The following ZNF804B variants were observed in gnomAD, a reference collection of about 807,000 sequenced individuals.
ZNF804B encodes the protein zinc finger protein 804B.
In ZNF804B, 80 loss-of-function variants were observed where a neutral mutation model predicts 101.4. The observed-to-expected ratio is 0.79, with a 90% CI of 0.66 to 0.95. The LOEUF is 0.95. Among genes scored for constraint, ZNF804B ranks in the 40% least tolerant of loss-of-function variants. The pLI, the probability that ZNF804B is intolerant of heterozygous loss-of-function variation, is 0.00. For synonymous variants in ZNF804B, 622 were observed against 558.8 expected (o/e 1.11, Z -1.59); for missense variants, 1,673 against 1,561.9 (o/e 1.07, Z -1.20).
chr7:89,017,293 T>C (rs1016749800), intron 1 of ZNF804B, among the ~76,000 whole-genome samples: 4 of 152,206 alleles, frequency 2.6e-5, no homozygotes, highest in South Asian at 4.1e-4. Context: ...CAGGGACAAT[T>C]TGACTTCCTC....
intron 1 of ZNF804B, among the ~76,000 whole-genome samples, chr7:88,808,562 C>T (rs928757097): frequency 3.3e-5 from 5 of 151,978 alleles, no homozygotes; most frequent in African/African-American, 1.2e-4. Context: ...GGGATTTAAC[C>T]ATCTTCTAAC....
rs1050352658 is a variant in ZNF804B at position 88,850,481 on chromosome 7, C to T, written c.108+90397C>T. On this transcript the variant is annotated intron_variant, in intron 1 of 3. Coordinates refer to ENST00000333190, the MANE Select transcript of ZNF804B (RefSeq NM_181646.5). ...AATCATCTGAGACTCGTGGAAAAAACACCCAAAAGGATTAGCGGAAACATC... is the reference window on the plus strand; with the variant it reads ...AATCATCTGAGACTCGTGGAAAAAATACCCAAAAGGATTAGCGGAAACATC... Among the ~76,000 whole-genome samples the T allele has an allele frequency of 1.3e-5, 2 of 152,106 alleles. 1 individual carries two copies. Among genetic ancestry groups the T allele is most frequent in the South Asian group, 4.1e-4 (2 of 4,828 alleles).
chr7:89,086,764 T>C (rs1193375361), intron 1 of ZNF804B, among the ~76,000 whole-genome samples: 1 of 151,956 alleles, frequency 6.6e-6, no homozygotes, highest in Non-Finnish European at 1.5e-5. Flanking sequence ...AAGTGAGATC[T>C]AGTGCATGGT....
At chr7:89,229,078 C>T (rs1354996047) in intron 2 of ZNF804B, among the ~76,000 whole-genome samples, 1 of 152,208 alleles carries the variant, frequency 6.6e-6, no homozygotes, top group South Asian at 2.1e-4. Context: ...GCAAGCACCA[C>T]GCACAGACCC....
intron 1 of ZNF804B, among the ~76,000 whole-genome samples, chr7:88,770,745 CTT>C (rs1486804475): frequency 6.6e-6 from 1 of 152,118 alleles, no homozygotes; most frequent in Non-Finnish European, 1.5e-5. Context: ...TTCAGTATGC[CTT>C]TTTGAAGCAA....
intron 1 of ZNF804B, among the ~76,000 whole-genome samples, chr7:89,019,179 G>A (rs1323752113): frequency 6.6e-6 from 1 of 151,842 alleles, no homozygotes; most frequent in Non-Finnish European, 1.5e-5. Context: ...GGTGTGCTGT[G>A]TTTTTATTTT....
chr7:88,786,706 A>G (rs1416154869), intron 1 of ZNF804B, among the ~76,000 whole-genome samples: 2 of 152,132 alleles, frequency 1.3e-5, no homozygotes, highest in Non-Finnish European at 2.9e-5. Context: ...ATATCCAACC[A>G]GGAAGGAGCA....
chr7:88,802,838 G>A (rs956487563), intron 1 of ZNF804B, among the ~76,000 whole-genome samples: 7 of 151,906 alleles, frequency 4.6e-5, no homozygotes, highest in African/African-American at 1.7e-4. Flanking sequence ...GAGCAAACAA[G>A]ATAACCGTCT....
At chr7:89,072,572 TC>T (rs1386449233) in intron 1 of ZNF804B, among the ~76,000 whole-genome samples, 1 of 152,114 alleles carries the variant, frequency 6.6e-6, no homozygotes, top group Non-Finnish European at 1.5e-5. Flanking sequence ...TCATGTACTC[TC>T]TTTTGGAGTA....
chr7:89,063,086 A>G (rs78661295), intron 1 of ZNF804B, among the ~76,000 whole-genome samples: 2,149 of 152,252 alleles, frequency 0.014, 44 homozygotes, highest in African/African-American at 0.048. Context: ...ACTTAGTACA[A>G]TGTTAGACAT....
intron 1 of ZNF804B, among the ~76,000 whole-genome samples, chr7:89,020,989 A>G (rs1318146191): frequency 6.6e-6 from 1 of 152,136 alleles, no homozygotes; most frequent in Non-Finnish European, 1.5e-5. Flanking sequence ...GTTACTAGAA[A>G]ATTACTGTGT....
chr7:89,115,964 G>A (rs1417235375), intron 1 of ZNF804B, among the ~76,000 whole-genome samples: 1 of 151,074 alleles, frequency 6.6e-6, no homozygotes, highest in African/African-American at 2.4e-5. Context: ...TGGAGCAGTG[G>A]CGTGATCTTG....
At chr7:89,185,615 C>A (rs543511020) in intron 1 of ZNF804B, among the ~76,000 whole-genome samples, 3 of 152,262 alleles carry the variant, frequency 2.0e-5, no homozygotes, top group Non-Finnish European at 4.4e-5. Flanking sequence ...AATCCCCGCA[C>A]TTTGAAAGGA....
intron 1 of ZNF804B, among the ~76,000 whole-genome samples, chr7:88,824,337 A>G (rs994834002): frequency 1.6e-4 from 24 of 152,148 alleles, no homozygotes; most frequent in Non-Finnish European, 3.1e-4. Flanking sequence ...TGATGGTTAC[A>G]TAAGAGGCAT....
chr7:89,063,169 TAGAA>T (rs1393152323), intron 1 of ZNF804B, among the ~76,000 whole-genome samples: 3 of 152,070 alleles, frequency 2.0e-5, no homozygotes, highest in Admixed American at 1.3e-4. Context: ...CCTCCCCAAT[TAGAA>T]AGAAATGATA....
At chr7:89,053,171 A>C (rs1789235773) in intron 1 of ZNF804B, among the ~76,000 whole-genome samples, 1 of 152,164 alleles carries the variant, frequency 6.6e-6, no homozygotes, top group Admixed American at 6.6e-5. Context: ...TTTCTATAGT[A>C]AAGCTGTCAG....
rs549997449 is a variant in ZNF804B at position 88,866,568 on chromosome 7, AAAAC to A, written c.108+106496_108+106499del. Reference sequence around the variant, plus strand: ...CATTAAAAAACAAACAAAACAAAACAAAACAAACAAACAAAAACCCTGACTTGTG... The same window carrying A: ...CATTAAAAAACAAACAAAACAAAACAAAACAAACAAAAACCCTGACTTGTG... On this transcript the variant is annotated intron_variant, in intron 1 of 3. Transcript: ENST00000333190. Among the ~76,000 whole-genome samples, 148 of 152,284 alleles carry A rather than the reference AAAAC, an allele frequency of 9.7e-4. 1 individual carries two copies. Among genetic ancestry groups the A allele is most frequent in the African/African-American group, 3.2e-3 (135 of 41,556 alleles).
At chr7:88,899,683 C>T (rs1020451412) in intron 1 of ZNF804B, among the ~76,000 whole-genome samples, 77 of 152,196 alleles carry the variant, frequency 5.1e-4, no homozygotes, top group African/African-American at 1.8e-3. Flanking sequence ...TCAATTCCAA[C>T]TTACTTCAAT....
At chr7:88,892,633 C>G (rs1792230000) in intron 1 of ZNF804B, among the ~76,000 whole-genome samples, 2 of 152,108 alleles carry the variant, frequency 1.3e-5, no homozygotes. Flanking sequence ...GGCAAATTCA[C>G]ATCATTAATC....
Sources: allele counts gnomAD v4.1 joint callset (sites outside exome capture counted in the v4.1 genomes callset), GRCh38; gene constraint gnomAD v4.1.1; transcripts MANE v1.5; gene names NCBI Gene and HGNC (gene_info 2026-07-23, HGNC 2026-07-21).